NPLOC4: variants seen among roughly 807,000 people sequenced by gnomAD.
NPLOC4 encodes nuclear protein localization protein 4 homolog.
NPLOC4 carries 18 observed loss-of-function variants against 80.6 expected under a neutral mutation model. That is an observed-to-expected ratio of 0.22 (90% CI 0.15 to 0.33). The LOEUF (loss-of-function observed/expected upper bound fraction) is 0.33, where lower values mean the gene tolerates loss of function less well. Among genes scored for constraint, NPLOC4 ranks in the 10% least tolerant of loss-of-function variants. The pLI, the probability that NPLOC4 is intolerant of heterozygous loss-of-function variation, is 1.00. For synonymous variants in NPLOC4, 313 were observed against 301.5 expected, an observed-to-expected ratio of 1.04 and a Z score of -0.39; for missense variants, 540 against 786.1, an observed-to-expected ratio of 0.69 and a Z score of 3.74.
chr17:81,599,888 G>C (rs1243252624), intron 9 of NPLOC4, among the ~76,000 whole-genome samples: 1 of 152,210 alleles, frequency 6.6e-6, no homozygotes, highest in East Asian at 1.9e-4. Flanking sequence ...GAAGCTCCAA[G>C]TGCATGGCAC....
Position 81,565,617 on chromosome 17 carries a change from G to A in NPLOC4, c.1567-10C>T. The A allele has an allele frequency of 6.5e-7, 1 of 1,535,322 alleles. No individual in the cohort carries two copies. Among genetic ancestry groups the A allele is most frequent in the Admixed American group, 2.2e-5 (1 of 46,004 alleles). On this transcript the variant is annotated splice_polypyrimidine_tract_variant and intron_variant, in intron 15 of 16. Coordinates refer to ENST00000331134, the MANE Select transcript of NPLOC4 (RefSeq NM_017921.4). ...GCAAGCTGATGCTGTCCTACAAGAA[G>A]CCAAAAGGAAGGTTCCTCTTCGCTG...
At position 81,636,965 on chromosome 17, in the gene NPLOC4, G is replaced by A. The variant is rs764873357; in HGVS notation, c.-35C>T. ...TCCTGCCTCCGGGCTCGAGCCCCGGGCCGCCGCCGCCTGCCGCCCCAAGGG... is the reference window on the plus strand; with the variant it reads ...TCCTGCCTCCGGGCTCGAGCCCCGGACCGCCGCCGCCTGCCGCCCCAAGGG... On this transcript the variant is annotated 5_prime_UTR_variant, in exon 1 of 17. Transcript: ENST00000331134. 116 of 1,251,904 alleles carry A rather than the reference G, an allele frequency of 9.3e-5. No individual in the cohort carries two copies. Among genetic ancestry groups the A allele is most frequent in the Admixed American group, 1.2e-4 (3 of 24,986 alleles). The allele number at this position is 1,251,904 out of a possible 1,614,324, so 77.5% of individuals were successfully genotyped here. A position where few individuals can be genotyped will look rare whatever the true frequency, so the allele number is the denominator to read the frequency against.
intron 13 of NPLOC4, among the ~76,000 whole-genome samples, chr17:81,570,936 TAAA>T (rs1431157317): frequency 1.4e-5 from 2 of 146,948 alleles, no homozygotes; most frequent in African/African-American, 5.2e-5. Flanking sequence ...ACTTCCTTTA[TAAA>T]AGAAGAGGAA....
At chr17:81,569,211 T>C in intron 13 of NPLOC4, 100 bp from the exon 14 acceptor site, 1 of 707,428 alleles carries the variant, frequency 1.4e-6, no homozygotes, top group Non-Finnish European at 2.5e-6. Context: ...AATTAACGAC[T>C]CCTAGCAATT....
chr17:81,602,476 G>C (rs1199003246), intron 8 of NPLOC4, among the ~76,000 whole-genome samples: 3 of 151,960 alleles, frequency 2.0e-5, no homozygotes, highest in Admixed American at 6.6e-5. Context: ...AGGCTGAGGC[G>C]GGTGGATCAC....
chr17:81,559,727 C>CTT lies in NPLOC4; in HGVS notation c.1670-313_1670-312dup, dbSNP rs11335414. ...GGATGTGCATTTGGGTTGTTTCCAG[C>CTT]TTTTTTTTTTTTTTTTTTTTTCTGA... On this transcript the variant is annotated intron_variant, in intron 16 of 16. Transcript: ENST00000331134. 4.0e-3 allele frequency among the ~76,000 whole-genome samples: 382 copies of CTT among 95,682 alleles called. 12 individuals are homozygous for CTT. The highest frequency in any genetic ancestry group is 0.02 in the East Asian group (62 of 3,146). 62.8% of individuals were successfully genotyped at this position (95,682 alleles called of 152,430 possible).
chr17:81,634,208 C>T (rs1244863237), intron 1 of NPLOC4, among the ~76,000 whole-genome samples: 2 of 151,696 alleles, frequency 1.3e-5, no homozygotes, highest in Non-Finnish European at 1.5e-5. Context: ...TTCACCATGT[C>T]GGCCAGGCTG....
At chr17:81,633,527 A>G (rs1448800987) in intron 1 of NPLOC4, among the ~76,000 whole-genome samples, 2 of 152,222 alleles carry the variant, frequency 1.3e-5, no homozygotes, top group Non-Finnish European at 2.9e-5. Flanking sequence ...TGTACGATGG[A>G]AAGTTCTGGC....
chr17:81,590,618 T>C (rs1264693574), intron 11 of NPLOC4, among the ~76,000 whole-genome samples: 1 of 152,300 alleles, frequency 6.6e-6, no homozygotes, highest in East Asian at 1.9e-4. Flanking sequence ...AGAGCTGGAA[T>C]TACAGGTGTG....
At chr17:81,570,530 C>T (rs1030923299) in intron 13 of NPLOC4, among the ~76,000 whole-genome samples, 1 of 152,174 alleles carries the variant, frequency 6.6e-6, no homozygotes, top group Non-Finnish European at 1.5e-5. Context: ...TTGTAACTGG[C>T]CCTTGGAGGG....
intron 1 of NPLOC4, among the ~76,000 whole-genome samples, chr17:81,632,794 G>C (rs981951050): frequency 6.6e-6 from 1 of 152,064 alleles, no homozygotes; most frequent in East Asian, 1.9e-4. Context: ...GGATTTGTCC[G>C]CTTTTAGTAA....
chr17:81,565,426 G>C (rs111493103), intron 16 of NPLOC4, 79 bp downstream of exon 16: 1 of 1,217,346 alleles, frequency 8.2e-7, no homozygotes, highest in Non-Finnish European at 1.2e-6. Flanking sequence ...GGGCACCACC[G>C]GCAGTGGGGA....
intron 4 of NPLOC4, 146 bp downstream of exon 4, chr17:81,613,172 G>T (rs2035389667): frequency 2.3e-5 from 13 of 563,852 alleles, no homozygotes; most frequent in East Asian, 3.9e-5. Context: ...AAGATAACTT[G>T]AAGTTTAATC....
At chr17:81,625,682 G>A (rs1360703468) in intron 2 of NPLOC4, among the ~76,000 whole-genome samples, 15 of 151,980 alleles carry the variant, frequency 9.9e-5, no homozygotes, top group Non-Finnish European at 1.5e-5. Context: ...AATGAGATAT[G>A]ATCACACCAC....
In NPLOC4 at chr17:81,559,373, G is replaced by T. The variant is rs200065610; in HGVS notation, c.1713C>A (p.Ala571=). 6.2e-7 allele frequency: 1 copy of T among 1,609,726 alleles called. No homozygotes were observed. Among genetic ancestry groups the T allele is most frequent in the African/African-American group, 1.3e-5 (1 of 74,978 alleles). The change falls in exon 17 of 17, where the codon GCC becomes GCA. Residue 571 remains alanine (A), a synonymous_variant. Transcript: ENST00000331134. The part of the protein sequence containing the change: ...GQLPGLHEYG[A]VGGSTHTATA... The stretch of plus-strand genomic sequence containing the variant: ...TGGCCGTGTGTGTGGAGCCCCCGAC[G>T]GCGCCGTACTCATGGAGACCTGGGA...
chr17:81,636,882 G>A (rs1182427063), intron 1 of NPLOC4, 34 bp downstream of exon 1: 5 of 1,405,388 alleles, frequency 3.6e-6, no homozygotes, highest in East Asian at 3.0e-5. Flanking sequence ...GCCTCATCCC[G>A]GCGTCCCCGC....
rs765837795 is a variant in NPLOC4, at chr17:81,596,152, G to A, written c.1084C>T (p.His362Tyr). The change falls in exon 11 of 17, where the codon CAT (histidine) becomes TAT (tyrosine). Residue 362 changes from histidine (H) to tyrosine (Y), a missense_variant. Around this residue, in one of 6 missense-constraint regions of NPLOC4, gnomAD observed 251 missense variants for 377.5 expected, o/e 0.66. Transcript: ENST00000331134. ...PNMCRLSPDG[H>Y]FGSKFVTAVA... is the part of the protein sequence containing the mutation. The stretch of plus-strand genomic sequence containing the variant: ...GCAGTAACAAACTTGGATCCAAAAT[G>A]TCCGTCTGGAGAGAGCCGGCACATG... The A allele has an allele frequency of 1.2e-6, 2 of 1,613,970 alleles. No individual in the cohort carries two copies. Among genetic ancestry groups the A allele is most frequent in the Non-Finnish European group, 1.7e-6 (2 of 1,179,868 alleles).
In NPLOC4 at chr17:81,606,710, G is replaced by T. The variant is rs1236656605; in HGVS notation, c.635C>A (p.Ala212Asp). The change falls in exon 7 of 17, where the codon GCC (alanine) becomes GAC (aspartate). Residue 212 changes from alanine to aspartate, a missense_variant. Physicochemically the swap from Ala to Asp is moderately radical, Grantham distance 126 (BLOSUM62 -2). This residue lies in a region of NPLOC4 where 61 missense variants were observed against 156.7 expected (regional missense o/e 0.39). Coordinates refer to ENST00000331134, the MANE Select transcript of NPLOC4 (RefSeq NM_017921.4). ...NGICTKCQPS[A>D]ITLNRQKYRH... is the part of the protein sequence containing the mutation. ...TCTCACCTGTCTGTTCAGCGTGATG[G>T]CGCTCGGCTGGCACTTAGTACAGAT... 6.2e-7 allele frequency: 1 copy of T among 1,613,478 alleles called. No individual in the cohort carries two copies. The highest frequency in any genetic ancestry group is 8.5e-7 in the Non-Finnish European group (1 of 1,179,740).
chr17:81,612,269 C>T (rs1006011709), intron 4 of NPLOC4, among the ~76,000 whole-genome samples: 2 of 152,100 alleles, frequency 1.3e-5, no homozygotes, highest in Admixed American at 6.5e-5. Flanking sequence ...TTCTTACATG[C>T]GTATGAGCCC....
Sources: gnomAD v4.1 joint callset for allele counts (sites outside exome capture counted in the v4.1 genomes callset) on GRCh38, gnomAD v4.1.1 for gene constraint, gnomAD v4.1.1 regional missense constraint, MANE v1.5 for transcripts, NCBI Gene and HGNC (gene_info 2026-07-23, HGNC 2026-07-21) for gene names.